The following FRMD3 variants were observed in gnomAD, a reference collection of about 807,000 sequenced individuals.
FRMD3 encodes FERM domain containing 3.
A neutral mutation model predicts 70.2 loss-of-function variants in FRMD3; 33 were observed. That is an observed-to-expected ratio of 0.47 (90% CI 0.36 to 0.63). The LOEUF (loss-of-function observed/expected upper bound fraction) is 0.63, where lower values mean the gene tolerates loss of function less well. Among genes scored for constraint, FRMD3 ranks in the 20% least tolerant of loss-of-function variants. The pLI is 0.00. For missense variants in FRMD3, 632 were observed against 711.4 expected (o/e 0.89, Z 1.27); for synonymous variants, 279 against 255.9 (o/e 1.09, Z -0.86).
At chr9:83,568,955 G>GATAC in the FRMD3 span, among the ~76,000 whole-genome samples, 944 of 130,816 alleles carry the variant, frequency 7.2e-3, 8 homozygotes, top group African/African-American at 0.015. Flanking sequence ...TAGATAGATA[G>GATAC]ATACATACAT....
At chr9:83,389,770 G>T (rs866216896) in intron 1 of FRMD3, 62 bp from the exon 2 acceptor site, 1 of 1,185,206 alleles carries the variant, frequency 8.4e-7, no homozygotes, top group Non-Finnish European at 1.3e-6. Context: ...CGTCCTCAGG[G>T]AGCCTTGTTC....
At chr9:83,360,335 T>C (rs1824541690) in intron 3 of FRMD3, among the ~76,000 whole-genome samples, 1 of 152,192 alleles carries the variant, frequency 6.6e-6, no homozygotes, top group Admixed American at 6.5e-5. Context: ...TTTGATACTA[T>C]AAAGTTGCAT....
intron 1 of FRMD3, among the ~76,000 whole-genome samples, chr9:83,393,688 C>T (rs188116089): frequency 6.6e-6 from 1 of 152,074 alleles, no homozygotes; most frequent in East Asian, 1.9e-4. Flanking sequence ...GCACAGCTCA[C>T]AATAGCTTTG....
At chr9:83,395,366 G>A (rs1308708950) in intron 1 of FRMD3, among the ~76,000 whole-genome samples, 1 of 151,484 alleles carries the variant, frequency 6.6e-6, no homozygotes, top group African/African-American at 2.4e-5. Context: ...GGGTACATGT[G>A]CAGGTTCGTT....
At chr9:83,267,169 G>C in intron 13 of FRMD3, 1 of 1,550,482 alleles carries the variant, frequency 6.4e-7, no homozygotes, top group Non-Finnish European at 8.7e-7. Context: ...TGGTCTCCTC[G>C]GCCTGCATGG....
At chr9:83,289,787 A>G (rs1292087396) in intron 13 of FRMD3, among the ~76,000 whole-genome samples, 1 of 152,230 alleles carries the variant, frequency 6.6e-6, no homozygotes, top group East Asian at 1.9e-4. Flanking sequence ...TTTGTTTTCA[A>G]TTTAATTAAT....
intron 2 of FRMD3, among the ~76,000 whole-genome samples, chr9:83,376,732 C>T (rs1349376913): frequency 6.6e-6 from 1 of 151,808 alleles, no homozygotes; most frequent in Non-Finnish European, 1.5e-5. Context: ...TGAGCCACCA[C>T]ACCTGGCTGT....
At chr9:83,509,320 A>G (rs945216615) in intron 1 of FRMD3, among the ~76,000 whole-genome samples, 9 of 152,178 alleles carry the variant, frequency 5.9e-5, no homozygotes, top group African/African-American at 2.2e-4. Flanking sequence ...GACTTTTTCA[A>G]TATGGGTTAG....
upstream of FRMD3, among the ~76,000 whole-genome samples, chr9:83,539,887 T>C (rs928298215): frequency 7.9e-5 from 12 of 152,210 alleles, no homozygotes; most frequent in African/African-American, 2.9e-4. Context: ...GATGATAGTA[T>C]GGGGCATTCA....
At chr9:83,305,919 A>G (rs1200737095) in intron 10 of FRMD3, among the ~76,000 whole-genome samples, 6 of 152,216 alleles carry the variant, frequency 3.9e-5, no homozygotes, top group Admixed American at 3.9e-4. Context: ...GACTTCTCTG[A>G]CATGCCAAGT....
the FRMD3 span, among the ~76,000 whole-genome samples, chr9:83,575,419 T>G: frequency 6.6e-6 from 1 of 152,156 alleles, no homozygotes; most frequent in South Asian, 2.1e-4. Flanking sequence ...GCTTCTGAGT[T>G]AATGGGTTAC....
At chr9:83,522,457 G>T (rs1829592477) in intron 1 of FRMD3, among the ~76,000 whole-genome samples, 1 of 151,410 alleles carries the variant, frequency 6.6e-6, no homozygotes, top group African/African-American at 2.4e-5. Flanking sequence ...AAAAGAAAAA[G>T]ATTTTTTTTA....
chr9:83,335,022 T>C (rs982291635), intron 6 of FRMD3, among the ~76,000 whole-genome samples: 10 of 151,286 alleles, frequency 6.6e-5, no homozygotes, highest in Non-Finnish European at 1.5e-4. Context: ...CCACTGCTAC[T>C]GTGCAGCTAT....
chr9:83,420,937 C>CTTTTTTTTTTTTTTTT (rs897070718), intron 1 of FRMD3, among the ~76,000 whole-genome samples: 2 of 107,718 alleles, frequency 1.9e-5, no homozygotes, highest in Non-Finnish European at 3.6e-5. Flanking sequence ...TTTCTTTCTT[C>CTTTTTTTTTTTTTTTT]TTTTTTTTTT....
intron 1 of FRMD3, among the ~76,000 whole-genome samples, chr9:83,390,730 A>C (rs2131298984): frequency 6.6e-6 from 1 of 152,320 alleles, no homozygotes; most frequent in African/African-American, 2.4e-5. Flanking sequence ...GATAAGATTA[A>C]TTTCTGCTTC....
In FRMD3 at chr9:83,342,664, AGGAT is replaced by A. The variant is rs569823827; in HGVS notation, c.472+522_472+525del. 8.6e-5 allele frequency among the ~76,000 whole-genome samples: 13 copies of A among 151,322 alleles called. 1 individual carries two copies. In the South Asian group the frequency reaches 1.7e-3, roughly 20 times the overall value. On this transcript the variant is annotated intron_variant, in intron 5 of 13. Transcript: ENST00000304195. ...TATACACATACACACACGAATAGAT[AGGAT>A]GGATGGATGGATGGATGGATAGATT...
chr9:83,284,293 C>T (rs781563814), intron 13 of FRMD3, among the ~76,000 whole-genome samples: 8 of 151,832 alleles, frequency 5.3e-5, no homozygotes, highest in African/African-American at 9.7e-5. Context: ...TTTCATGGGA[C>T]GTAACACAAA....
At chr9:83,455,410 C>T (rs974056197) in intron 1 of FRMD3, among the ~76,000 whole-genome samples, 7 of 152,128 alleles carry the variant, frequency 4.6e-5, no homozygotes, top group Non-Finnish European at 8.8e-5. Context: ...TGGTCTTTCC[C>T]GTGCCATTCT....
chr9:83,243,123 C>T, downstream of FRMD3: 1 of 1,442,818 alleles, frequency 6.9e-7, no homozygotes, highest in Middle Eastern at 2.2e-4. Flanking sequence ...AACTTACCCA[C>T]CCAGTCACAG....
Sources: gnomAD v4.1 joint callset for allele counts (sites outside exome capture counted in the v4.1 genomes callset) on GRCh38, gnomAD v4.1.1 for gene constraint, MANE v1.5 for transcripts, NCBI Gene and HGNC (gene_info 2026-07-23, HGNC 2026-07-21) for gene names.